KCNMA1: variants seen among roughly 807,000 people sequenced by gnomAD.
KCNMA1 encodes the protein potassium calcium-activated channel subfamily M alpha 1, also known as Calcium-activated potassium channel subunit alpha-1.
In KCNMA1, 29 loss-of-function variants were observed where a neutral mutation model predicts 140.0. That is an observed-to-expected ratio of 0.21 (90% CI 0.15 to 0.28). The LOEUF (loss-of-function observed/expected upper bound fraction) is 0.28. KCNMA1 is among the 10% of genes least tolerant of loss of function. The pLI is 1.00. For missense variants in KCNMA1, 880 were observed against 1,602.2 expected (o/e 0.55, Z 7.70); for synonymous variants, 612 against 611.9 (o/e 1.00, Z 0.00).
At chr10:77,136,856 C>T (rs1046287548) in intron 5 of KCNMA1, among the ~76,000 whole-genome samples, 1 of 152,096 alleles carries the variant, frequency 6.6e-6, no homozygotes, top group Admixed American at 6.6e-5. Flanking sequence ...GACTGGAATA[C>T]AGGTTTTCCT....
At position 77,109,530 on chromosome 10, in the gene KCNMA1, G is replaced by A. The variant is rs140275107; in HGVS notation, c.1131+643C>T. On this transcript the variant is annotated intron_variant, in intron 8 of 27. Coordinates refer to ENST00000286628, the MANE Select transcript of KCNMA1 (RefSeq NM_001161352.2). Reference sequence around the variant, plus strand: ...GGTTTAGTGCAACATAAAGAGCTGCGTAGACTTTTAAAAAGCAAACAGTGA... The same window carrying A: ...GGTTTAGTGCAACATAAAGAGCTGCATAGACTTTTAAAAAGCAAACAGTGA... Among the ~76,000 whole-genome samples, 94 of 152,308 alleles carry A rather than the reference G, an allele frequency of 6.2e-4. 2 individuals are homozygous for A. The East Asian group carries it at 0.017, about 27-fold the overall frequency.
At chr10:76,914,781 A>G (rs1419923204) in intron 24 of KCNMA1, 155 bp downstream of exon 24, 9 of 649,382 alleles carry the variant, frequency 1.4e-5, no homozygotes, top group East Asian at 1.4e-4. Flanking sequence ...GTAATCTGCC[A>G]TATTTCTCCC....
At chr10:77,447,407 T>C (rs2097548742) in intron 1 of KCNMA1, among the ~76,000 whole-genome samples, 2 of 152,216 alleles carry the variant, frequency 1.3e-5, no homozygotes, top group South Asian at 4.1e-4. Context: ...ATTCAATCAA[T>C]GGTCATTATT....
intron 1 of KCNMA1, among the ~76,000 whole-genome samples, chr10:77,505,822 A>T (rs1482388526): frequency 6.6e-6 from 1 of 152,214 alleles, no homozygotes; most frequent in African/African-American, 2.4e-5. Flanking sequence ...ATTAGCTAAC[A>T]TTTAGAAAGT....
intron 14 of KCNMA1, among the ~76,000 whole-genome samples, chr10:77,065,194 A>T (rs1172462251): frequency 6.6e-6 from 1 of 152,194 alleles, no homozygotes; most frequent in Non-Finnish European, 1.5e-5. Context: ...AAGTAGCCCC[A>T]TCTTCACAGT....
chr10:77,206,996 C>CACAAGGAATGCA (rs2044358288), intron 3 of KCNMA1, among the ~76,000 whole-genome samples: 1 of 152,098 alleles, frequency 6.6e-6, no homozygotes, highest in Non-Finnish European at 1.5e-5. Flanking sequence ...TGCATTCCAA[C>CACAAGGAATGCA]ACAAGGAGTT....
intron 3 of KCNMA1, among the ~76,000 whole-genome samples, chr10:77,191,253 A>G (rs1225260038): frequency 6.6e-6 from 1 of 152,200 alleles, no homozygotes; most frequent in Non-Finnish European, 1.5e-5. Flanking sequence ...ATTATTATTC[A>G]TAAAATTTAA....
intron 2 of KCNMA1, among the ~76,000 whole-genome samples, chr10:77,279,290 G>T (rs1345616586): frequency 2.0e-5 from 3 of 152,244 alleles, no homozygotes; most frequent in East Asian, 3.9e-4. Context: ...TTGTTTCAAG[G>T]GTAAATAGAA....
intron 1 of KCNMA1, among the ~76,000 whole-genome samples, chr10:77,446,119 A>C (rs190743580): frequency 1.3e-5 from 2 of 152,262 alleles, no homozygotes; most frequent in Non-Finnish European, 2.9e-5. Flanking sequence ...AGAGATCTAC[A>C]CTTTCTAAAT....
intron 19 of KCNMA1, among the ~76,000 whole-genome samples, chr10:76,989,412 T>A (rs1156700104): frequency 1.3e-5 from 2 of 152,126 alleles, no homozygotes; most frequent in Admixed American, 6.5e-5. Flanking sequence ...GACATCAGCA[T>A]TTTAGAAGGA....
At chr10:77,282,291 G>C (rs1422092804) in intron 2 of KCNMA1, among the ~76,000 whole-genome samples, 1 of 152,056 alleles carries the variant, frequency 6.6e-6, no homozygotes, top group Non-Finnish European at 1.5e-5. Flanking sequence ...AAACACCCCA[G>C]CCAGGCTGCA....
At chr10:77,379,655 AAGCTTATC>A (rs1212480886) in intron 2 of KCNMA1, among the ~76,000 whole-genome samples, 1 of 152,112 alleles carries the variant, frequency 6.6e-6, no homozygotes, top group Non-Finnish European at 1.5e-5. Flanking sequence ...ATAATTTTGG[AAGCTTATC>A]AGTAGATTTT....
intron 1 of KCNMA1, among the ~76,000 whole-genome samples, chr10:77,527,122 G>A (rs1301373578): frequency 3.3e-5 from 5 of 152,310 alleles, no homozygotes; most frequent in Non-Finnish European, 5.9e-5. Context: ...GCCACAGCTC[G>A]GGTTTCAAGC....
intron 17 of KCNMA1, among the ~76,000 whole-genome samples, chr10:77,017,876 G>C (rs1049160589): frequency 2.3e-5 from 1 of 43,730 alleles, no homozygotes; most frequent in East Asian, 2.2e-4. Flanking sequence ...ATGGGGTTGC[G>C]TGAGAGTTTA....
intron 2 of KCNMA1, among the ~76,000 whole-genome samples, chr10:77,364,668 A>T (rs1241487673): frequency 6.6e-6 from 1 of 152,104 alleles, no homozygotes; most frequent in Admixed American, 6.5e-5. Flanking sequence ...ATAACTTCTC[A>T]CTTTTCCTAC....
At chr10:77,499,562 A>G (rs779011119) in intron 1 of KCNMA1, among the ~76,000 whole-genome samples, 18 of 152,154 alleles carry the variant, frequency 1.2e-4, no homozygotes, top group Non-Finnish European at 2.6e-4. Flanking sequence ...GAGAAAAATC[A>G]AGCTGATATC....
At chr10:77,048,051 G>C (rs955794078) in intron 14 of KCNMA1, among the ~76,000 whole-genome samples, 2 of 151,550 alleles carry the variant, frequency 1.3e-5, no homozygotes, top group East Asian at 1.9e-4. Context: ...GAGAGGCCAA[G>C]GCAGGAGGAT....
At chr10:77,464,213 G>A (rs992442345) in intron 1 of KCNMA1, among the ~76,000 whole-genome samples, 10 of 152,198 alleles carry the variant, frequency 6.6e-5, no homozygotes, top group African/African-American at 2.4e-4. Flanking sequence ...GCTACAGGAT[G>A]AGTGAGGCTT....
chr10:77,163,594 C>G (rs2098597275), intron 5 of KCNMA1, among the ~76,000 whole-genome samples: 2 of 152,208 alleles, frequency 1.3e-5, no homozygotes, highest in South Asian at 4.1e-4. Context: ...ATGGAACTCA[C>G]AGTCTGGGTC....
Sources: allele counts gnomAD v4.1 joint callset (sites outside exome capture counted in the v4.1 genomes callset), GRCh38; gene constraint gnomAD v4.1.1; transcripts MANE v1.5; gene names NCBI Gene and HGNC (gene_info 2026-07-23, HGNC 2026-07-21).